Variants in ZNF385B observed in about 807,000 individuals in gnomAD.
The protein encoded by ZNF385B is zinc finger protein 533.
Under a neutral mutation model 39.2 loss-of-function variants are expected in ZNF385B, and 23 were observed. The observed-to-expected ratio is 0.59, with a 90% confidence interval of 0.42 to 0.83. The LOEUF (loss-of-function observed/expected upper bound fraction) is 0.83. Ranked by LOEUF, ZNF385B falls within the 40% of genes least tolerant of loss-of-function variation. The probability of loss-of-function intolerance (pLI) is 0.00; values close to 1 mark genes in which losing one functional copy is unlikely to be tolerated. For missense variants in ZNF385B, 552 were observed against 598.9 expected, an observed-to-expected ratio of 0.92 and a Z score of 0.82; for synonymous variants, 205 against 222.6, an observed-to-expected ratio of 0.92 and a Z score of 0.70.
At chr2:179,704,020 C>T (rs1050700070) in intron 3 of ZNF385B, among the ~76,000 whole-genome samples, 10 of 152,132 alleles carry the variant, frequency 6.6e-5, no homozygotes, top group Admixed American at 5.9e-4. Flanking sequence ...GCTAGAGAGA[C>T]ACTGATGAAT....
chr2:179,833,952 G>A (rs1708114060), intron 1 of ZNF385B, among the ~76,000 whole-genome samples: 1 of 152,082 alleles, frequency 6.6e-6, no homozygotes, highest in Admixed American at 6.6e-5. Flanking sequence ...ATTGATATTG[G>A]TGTAGCAATT....
intron 3 of ZNF385B, among the ~76,000 whole-genome samples, chr2:179,590,225 ACTAATGTTC>A (rs952249627): frequency 6.6e-6 from 1 of 152,182 alleles, no homozygotes; most frequent in African/African-American, 2.4e-5. Context: ...TGGGACTTGA[ACTAATGTTC>A]CTCAACTTCA....
intron 3 of ZNF385B, among the ~76,000 whole-genome samples, chr2:179,707,930 C>T (rs1699736497): frequency 6.6e-6 from 1 of 152,186 alleles, no homozygotes; most frequent in Non-Finnish European, 1.5e-5. Context: ...CAGCCCACTA[C>T]CCCTTCTGCA....
At chr2:179,755,374 A>C (rs1471314934) in intron 3 of ZNF385B, among the ~76,000 whole-genome samples, 1 of 152,158 alleles carries the variant, frequency 6.6e-6, no homozygotes, top group Non-Finnish European at 1.5e-5. Flanking sequence ...TTTTGGAATA[A>C]GTGCAATGTG....
chr2:179,642,333 C>T (rs1692339314), intron 3 of ZNF385B, among the ~76,000 whole-genome samples: 2 of 152,084 alleles, frequency 1.3e-5, no homozygotes, highest in Admixed American at 1.3e-4. Flanking sequence ...AATGTTCTTC[C>T]TCTAGTTTCA....
At chr2:179,496,884 A>G (rs1246060623) in intron 5 of ZNF385B, among the ~76,000 whole-genome samples, 1 of 152,166 alleles carries the variant, frequency 6.6e-6, no homozygotes, top group East Asian at 1.9e-4. Flanking sequence ...CCTTGTCTCT[A>G]CTGAAAACAC....
At chr2:179,595,650 G>A (rs1368308400) in intron 3 of ZNF385B, among the ~76,000 whole-genome samples, 1 of 150,600 alleles carries the variant, frequency 6.6e-6, no homozygotes, top group African/African-American at 2.4e-5. Flanking sequence ...TCCAGAGACA[G>A]GGTCTCACTC....
At chr2:179,555,426 T>A (rs184785400) in intron 3 of ZNF385B, among the ~76,000 whole-genome samples, 1 of 149,450 alleles carries the variant, frequency 6.7e-6, no homozygotes, top group South Asian at 2.1e-4. Context: ...CAGCTACACA[T>A]GTATGCTATA....
chr2:179,543,555 C>T (rs1488322270), intron 4 of ZNF385B, among the ~76,000 whole-genome samples: 3 of 152,084 alleles, frequency 2.0e-5, no homozygotes, highest in South Asian at 2.1e-4. Context: ...TTTGAAATGG[C>T]GTAATGTGGT....
intron 6 of ZNF385B, among the ~76,000 whole-genome samples, chr2:179,456,689 G>A (rs891606990): frequency 3.9e-5 from 6 of 152,002 alleles, no homozygotes; most frequent in East Asian, 1.9e-4. Flanking sequence ...TTTGCTTTAC[G>A]CAGAGCAAAA....
intron 5 of ZNF385B, among the ~76,000 whole-genome samples, chr2:179,506,915 G>T (rs1178573546): frequency 6.6e-6 from 1 of 152,012 alleles, no homozygotes; most frequent in Non-Finnish European, 1.5e-5. Flanking sequence ...CTAATTTGAA[G>T]GAAGCACAAA....
At chr2:179,444,551 T>C (rs1158905311) in intron 9 of ZNF385B, among the ~76,000 whole-genome samples, 1 of 152,246 alleles carries the variant, frequency 6.6e-6, no homozygotes, top group African/African-American at 2.4e-5. Context: ...GAAATCCCTC[T>C]TTCCAGGTTC....
At chr2:179,619,797 G>A (rs1037715513) in intron 3 of ZNF385B, among the ~76,000 whole-genome samples, 3 of 152,200 alleles carry the variant, frequency 2.0e-5, no homozygotes, top group African/African-American at 4.8e-5. Context: ...GGTAGTATGT[G>A]TATAAATACA....
In ZNF385B at chr2:179,463,790, G is replaced by A. The variant is rs551115118; in HGVS notation, c.716-17020C>T. ...GGGTTGGTTCCAAGTCTTTGCTATT[G>A]TGAATAGTGCTGCAATAAACATACG... On this transcript the variant is annotated intron_variant, in intron 6 of 9. Transcript: ENST00000410066. Among the ~76,000 whole-genome samples, 54 of 152,260 alleles carry A rather than the reference G, an allele frequency of 3.5e-4. 1 individual carries two copies. The South Asian group carries it at 5.4e-3, about 15-fold the overall frequency.
chr2:179,824,571 CAAG>C (rs1370366699), intron 1 of ZNF385B, among the ~76,000 whole-genome samples: 2 of 151,862 alleles, frequency 1.3e-5, no homozygotes, highest in African/African-American at 2.4e-5. Context: ...TTCAAAATGA[CAAG>C]AAGAAAATAA....
chr2:179,571,054 G>A (rs1214367697), intron 3 of ZNF385B, among the ~76,000 whole-genome samples: 2 of 152,144 alleles, frequency 1.3e-5, no homozygotes, highest in Non-Finnish European at 2.9e-5. Flanking sequence ...TACTACATTT[G>A]ATTAAAGTAG....
intron 3 of ZNF385B, among the ~76,000 whole-genome samples, chr2:179,747,843 TCTATAA>T (rs1254715274): frequency 2.0e-5 from 3 of 152,094 alleles, no homozygotes; most frequent in African/African-American, 7.2e-5. Flanking sequence ...GGGCAACAAC[TCTATAA>T]TCAGACACAT....
intron 3 of ZNF385B, among the ~76,000 whole-genome samples, chr2:179,621,597 A>G (rs148689831): frequency 2.0e-5 from 3 of 152,316 alleles, no homozygotes; most frequent in African/African-American, 7.2e-5. Context: ...AGCCAGTGAG[A>G]GCTGGTTTCA....
chr2:179,737,730 T>C (rs1218591237), intron 3 of ZNF385B, among the ~76,000 whole-genome samples: 1 of 152,222 alleles, frequency 6.6e-6, no homozygotes, highest in Non-Finnish European at 1.5e-5. Flanking sequence ...AACCTTTATA[T>C]ATATTATTCT....
Sources: allele counts gnomAD v4.1 joint callset (sites outside exome capture counted in the v4.1 genomes callset), GRCh38; gene constraint gnomAD v4.1.1; transcripts MANE v1.5; gene names NCBI Gene and HGNC (gene_info 2026-07-23, HGNC 2026-07-21).